OVCH1: variants seen among roughly 807,000 people sequenced by gnomAD.
The protein encoded by OVCH1 is ovochymase-1.
In OVCH1, 139 loss-of-function variants were observed where a neutral mutation model predicts 138.4. The ratio of observed to expected loss-of-function variants is 1.00; its 90% CI spans 0.87 to 1.16. OVCH1 has a LOEUF of 1.16. OVCH1 is among the 50% of genes most tolerant of loss of function. The pLI is 0.00. For synonymous variants in OVCH1, 453 were observed against 467.8 expected, an observed-to-expected ratio of 0.97 and a Z score of 0.41; for missense variants, 1,367 against 1,357.9, an observed-to-expected ratio of 1.01 and a Z score of -0.11.
chr12:29,441,490 C>A (rs1186190396), intron 25 of OVCH1, among the ~76,000 whole-genome samples: 1 of 152,076 alleles, frequency 6.6e-6, no homozygotes, highest in Non-Finnish European at 1.5e-5. Flanking sequence ...TAAAGACTTA[C>A]ATGTTAGACC....
rs1403429879 is a variant in OVCH1 at position 29,489,368 on chromosome 12, A to G, written c.702+252T>C. Among the ~76,000 whole-genome samples the G allele has an allele frequency of 2.0e-5, 3 of 152,220 alleles. No individual in the cohort carries two copies. In the East Asian group the frequency reaches 5.8e-4, roughly 29 times the overall value. On this transcript the variant is annotated intron_variant, in intron 6 of 27. Coordinates refer to ENST00000318184, the Ensembl canonical transcript of OVCH1. ...CTTGCTTGATTCCATTAGGTTGCACACGTTGAAACTAACCCCTTTTGCCAA... is the reference window on the plus strand; with the variant it reads ...CTTGCTTGATTCCATTAGGTTGCACGCGTTGAAACTAACCCCTTTTGCCAA...
chr12:29,407,446 T>A, the OVCH1 span, among the ~76,000 whole-genome samples: 1 of 151,344 alleles, frequency 6.6e-6, no homozygotes, highest in African/African-American at 2.4e-5. Flanking sequence ...TTAGCTCTAA[T>A]GTGTAAGTCT....
intron 25 of OVCH1, chr12:29,439,546 A>G: frequency 7.8e-7 from 1 of 1,273,964 alleles, no homozygotes. Context: ...CTCTACTACA[A>G]CTACTGCTAC....
downstream of OVCH1, among the ~76,000 whole-genome samples, chr12:29,427,052 T>C (rs751459920): frequency 6.6e-6 from 1 of 152,226 alleles, no homozygotes; most frequent in Non-Finnish European, 1.5e-5. Flanking sequence ...AAACTTATGA[T>C]GACCTCCTAT....
chr12:29,449,832 G>T (rs906359555), intron 22 of OVCH1, among the ~76,000 whole-genome samples: 1 of 152,050 alleles, frequency 6.6e-6, no homozygotes, highest in Non-Finnish European at 1.5e-5. Flanking sequence ...ACCAATGGAA[G>T]AGAACAGAGG....
At chr12:29,427,694 A>G (rs748980873) in intron 27 of OVCH1, 20 of 1,537,636 alleles carry the variant, frequency 1.3e-5, no homozygotes, top group Non-Finnish European at 1.6e-5. Context: ...AGTCTATGGT[A>G]TTTGTTATAG....
In OVCH1 at chr12:29,489,539, C is replaced by CA. The variant is rs1232002099; in HGVS notation, c.702+80dup. On this transcript the variant is annotated intron_variant, in intron 6 of 27. Coordinates refer to ENST00000318184, the Ensembl canonical transcript of OVCH1. ...AATTTTGACACAGTAATAGAAGAAA[C>CA]ATGAGCTTCTTTTGGGGAAAGGCAG... 7.8e-6 allele frequency: 11 copies of CA among 1,414,908 alleles called. No individual in the cohort carries two copies. The East Asian group carries it at 2.5e-4, about 33-fold the overall frequency. 87.6% of individuals were successfully genotyped at this position (1,414,908 alleles called of 1,614,324 possible). A position where few individuals can be genotyped will look rare whatever the true frequency, so the allele number is the denominator to read the frequency against.
intron 3 of OVCH1, among the ~76,000 whole-genome samples, chr12:29,413,024 C>CTTTTTTTTTTT (rs35540929): frequency 7.1e-6 from 1 of 140,926 alleles, no homozygotes; most frequent in Non-Finnish European, 1.6e-5. Flanking sequence ...CCAGCTAATT[C>CTTTTTTTTTTT]TTTTTTTTTT....
intron 22 of OVCH1, among the ~76,000 whole-genome samples, chr12:29,449,160 C>A (rs1211960508): frequency 6.6e-6 from 1 of 151,988 alleles, no homozygotes; most frequent in African/African-American, 2.4e-5. Flanking sequence ...TCCTCCCCTG[C>A]TCTATTTTTA....
intron 19 of OVCH1, among the ~76,000 whole-genome samples, chr12:29,455,840 A>AT (rs1230707911): frequency 3.3e-5 from 5 of 152,070 alleles, no homozygotes; most frequent in Non-Finnish European, 7.4e-5. Context: ...CTTTTTTTAA[A>AT]TTTTTTTAAG....
At chr12:29,428,835 C>T (rs1941221280) in intron 27 of OVCH1, among the ~76,000 whole-genome samples, 1 of 152,182 alleles carries the variant, frequency 6.6e-6, no homozygotes, top group African/African-American at 2.4e-5. Context: ...GAAGTTGATG[C>T]AATACTCAAT....
chr12:29,455,386 A>T (rs1476352702), exon 20 of OVCH1: 6 of 1,609,598 alleles, frequency 3.7e-6, no homozygotes, highest in Middle Eastern at 1.7e-4. Context: ...TCTACATACT[A>T]GTGGCCCACC....
At chr12:29,427,078 T>G (rs1166566125), downstream of OVCH1, among the ~76,000 whole-genome samples, 4 of 152,148 alleles carry the variant, frequency 2.6e-5, no homozygotes, top group Non-Finnish European at 4.4e-5. Context: ...TGGAATAAAA[T>G]CCAAAGTCAC....
At chr12:29,439,608 A>G (rs1480735162) in intron 25 of OVCH1, among the ~76,000 whole-genome samples, 1 of 152,128 alleles carries the variant, frequency 6.6e-6, no homozygotes, top group Admixed American at 6.6e-5. Flanking sequence ...TCCCTCCACA[A>G]CAATTGGGTA....
At chr12:29,476,755 GCACACACACACACACACA>G (rs548409739) in intron 12 of OVCH1, among the ~76,000 whole-genome samples, 31 of 103,420 alleles carry the variant, frequency 3.0e-4, no homozygotes, top group African/African-American at 7.7e-4. Context: ...ACACACGCGC[GCACACACACACACACACA>G]CACACACACA....
intron 26 of OVCH1, chr12:29,433,840 G>T (rs1225398420): frequency 4.2e-5 from 58 of 1,368,724 alleles, no homozygotes; most frequent in Middle Eastern, 3.7e-4. Context: ...TGTTTTTAAT[G>T]GAAATGCCTC....
chr12:29,412,008 T>C (rs549174507), downstream of OVCH1, among the ~76,000 whole-genome samples: 32 of 152,158 alleles, frequency 2.1e-4, no homozygotes, highest in East Asian at 5.6e-3. Flanking sequence ...GCCTGGGCAA[T>C]GGCGGGCACC....
At chr12:29,463,018 G>C (rs1429396868) in intron 18 of OVCH1, among the ~76,000 whole-genome samples, 4 of 152,212 alleles carry the variant, frequency 2.6e-5, no homozygotes, top group African/African-American at 9.6e-5. Context: ...GGTAGTCATG[G>C]AATTGGTAAA....
chr12:29,430,781 G>C, intron 27 of OVCH1: 1 of 370,482 alleles, frequency 2.7e-6, no homozygotes, highest in Non-Finnish European at 5.5e-6. Flanking sequence ...ATTCCTGCCT[G>C]TGGAGTCTGC....
Sources: gnomAD v4.1 joint callset for allele counts (sites outside exome capture counted in the v4.1 genomes callset) on GRCh38, gnomAD v4.1.1 for gene constraint, MANE v1.5 for transcripts, NCBI Gene and HGNC (gene_info 2026-07-23, HGNC 2026-07-21) for gene names.